Variants in CHRNA7 observed in about 807,000 individuals in gnomAD.
CHRNA7 encodes neuronal acetylcholine receptor subunit alpha-7.
In CHRNA7, 17 loss-of-function variants were observed where a neutral mutation model predicts 48.0. The observed-to-expected ratio is 0.35, with a 90% confidence interval of 0.24 to 0.53. The LOEUF is 0.53. Ranked by LOEUF, CHRNA7 falls within the 20% of genes least tolerant of loss-of-function variation. The pLI, the probability that CHRNA7 is intolerant of heterozygous loss-of-function variation, is 0.92. For missense variants in CHRNA7, 155 were observed against 577.7 expected, an observed-to-expected ratio of 0.27 and a Z score of 7.50; for synonymous variants, 75 against 242.3, an observed-to-expected ratio of 0.31 and a Z score of 6.41.
chr15:32,114,791 C>T (rs531264131), intron 4 of CHRNA7, among the ~76,000 whole-genome samples: 16 of 152,316 alleles, frequency 1.1e-4, no homozygotes, highest in Middle Eastern at 3.4e-3. Context: ...CTCATGATGC[C>T]GTGGGCTGTC....
rs377343442 is a variant in CHRNA7 at position 32,053,554 on chromosome 15, T to C, written c.195+22517T>C. 6.8e-4 allele frequency among the ~76,000 whole-genome samples: 103 copies of C among 152,292 alleles called. No individual in the cohort carries two copies. The South Asian group carries it at 0.02, about 30-fold the overall frequency. On this transcript the variant is annotated intron_variant, in intron 2 of 9. Coordinates refer to ENST00000306901, the MANE Select transcript of CHRNA7 (RefSeq NM_000746.6). ...GTATGTACTTGGGCATATTTATGTG[T>C]GTGTAAATGCACACTCAGTCACACA...
At chr15:32,167,666 T>C in intron 9 of CHRNA7, 1 of 100,026 alleles carries the variant, frequency 1.0e-5, no homozygotes, top group Non-Finnish European at 1.9e-5. Flanking sequence ...GCCTTCCCCT[T>C]CCACGAAGCT....
intron 4 of CHRNA7, among the ~76,000 whole-genome samples, chr15:32,119,948 G>A (rs1457815384): frequency 6.6e-6 from 1 of 152,102 alleles, no homozygotes; most frequent in South Asian, 2.1e-4. Context: ...TGCCTCATCC[G>A]GTGCTTACTG....
chr15:32,114,292 TGGCTAATGAGGAATTTCC>T (rs2050830536), intron 4 of CHRNA7, among the ~76,000 whole-genome samples: 1 of 152,064 alleles, frequency 6.6e-6, no homozygotes. Context: ...CCAAATGCTC[TGGCTAATGAGGAATTTCC>T]AAGTTGTAAT....
At chr15:32,038,859 A>T (rs989704098) in intron 2 of CHRNA7, among the ~76,000 whole-genome samples, 6 of 152,076 alleles carry the variant, frequency 3.9e-5, no homozygotes, top group Admixed American at 3.3e-4. Context: ...TCTTTTTTAA[A>T]TTTGTAGACT....
At chr15:32,079,136 T>C (rs1198029894) in intron 2 of CHRNA7, among the ~76,000 whole-genome samples, 1 of 152,210 alleles carries the variant, frequency 6.6e-6, no homozygotes. Context: ...AAACTAGGTA[T>C]TGATGGGACA....
At chr15:32,083,738 G>A (rs185950821) in intron 2 of CHRNA7, among the ~76,000 whole-genome samples, 37 of 152,204 alleles carry the variant, frequency 2.4e-4, no homozygotes, top group Non-Finnish European at 4.7e-4. Flanking sequence ...ATAACAAAAG[G>A]TCATTTATGA....
Position 32,079,309 on chromosome 15 carries a change from A to G in CHRNA7, c.196-21994A>G, listed in dbSNP as rs537162826. On this transcript the variant is annotated intron_variant, in intron 2 of 9. Transcript: ENST00000306901. ...ATTGGAAATTCTGGCCAGGGAAATCAGGCAAGAGAAAGAAGTAGAGGGTAT... is the reference window on the plus strand; with the variant it reads ...ATTGGAAATTCTGGCCAGGGAAATCGGGCAAGAGAAAGAAGTAGAGGGTAT... 1.1e-4 allele frequency among the ~76,000 whole-genome samples: 16 copies of G among 152,332 alleles called. No individual in the cohort carries two copies. In the South Asian group the frequency reaches 2.9e-3, roughly 28 times the overall value.
chr15:32,045,774 C>T (rs1241603968), intron 2 of CHRNA7, among the ~76,000 whole-genome samples: 1 of 150,046 alleles, frequency 6.7e-6, no homozygotes, highest in Non-Finnish European at 1.5e-5. Context: ...CCCATTAACT[C>T]GTCATTTAGC....
At chr15:32,092,341 C>T (rs768746617) in intron 2 of CHRNA7, among the ~76,000 whole-genome samples, 4 of 152,170 alleles carry the variant, frequency 2.6e-5, no homozygotes, top group Non-Finnish European at 5.9e-5. Context: ...TGATCCAAGA[C>T]TTATATAGTA....
At chr15:32,133,554 C>T (rs1177498993) in intron 4 of CHRNA7, among the ~76,000 whole-genome samples, 1 of 152,126 alleles carries the variant, frequency 6.6e-6, no homozygotes, top group African/African-American at 2.4e-5. Context: ...AGGCCAGGAC[C>T]TTCAAAATGC....
At chr15:32,066,616 T>C (rs2049971318) in intron 2 of CHRNA7, among the ~76,000 whole-genome samples, 1 of 152,160 alleles carries the variant, frequency 6.6e-6, no homozygotes. Flanking sequence ...TTTCAAAAAA[T>C]ATATGTATGA....
At chr15:32,117,105 A>G (rs1003771755) in intron 4 of CHRNA7, among the ~76,000 whole-genome samples, 1 of 152,078 alleles carries the variant, frequency 6.6e-6, no homozygotes, top group Non-Finnish European at 1.5e-5. Flanking sequence ...TTGGGAAGGG[A>G]TCCTGGGAAG....
intron 2 of CHRNA7, among the ~76,000 whole-genome samples, chr15:32,055,975 T>C (rs1475764882): frequency 6.6e-6 from 1 of 151,652 alleles, no homozygotes; most frequent in Non-Finnish European, 1.5e-5. Flanking sequence ...CGAGACTCTG[T>C]ATCAAAAAAA....
At chr15:32,127,397 C>G (rs1428064325) in intron 4 of CHRNA7, among the ~76,000 whole-genome samples, 1 of 152,256 alleles carries the variant, frequency 6.6e-6, no homozygotes, top group African/African-American at 2.4e-5. Flanking sequence ...CTGCCATACT[C>G]TTTTCCAGAG....
intron 4 of CHRNA7, among the ~76,000 whole-genome samples, chr15:32,138,731 A>ATGTTT (rs56884132): frequency 0.35 from 51,421 of 145,954 alleles, 9,255 homozygotes; most frequent in South Asian, 0.46. Context: ...TTGACCTGTT[A>ATGTTT]TGTTTTGTTT....
chr15:32,106,894 G>T (rs2050678668), intron 3 of CHRNA7, among the ~76,000 whole-genome samples: 1 of 151,974 alleles, frequency 6.6e-6, no homozygotes, highest in Non-Finnish European at 1.5e-5. Flanking sequence ...TTTAATTTCT[G>T]CATTCATCAT....
intron 2 of CHRNA7, among the ~76,000 whole-genome samples, chr15:32,096,424 A>G (rs1325232033): frequency 1.3e-5 from 2 of 152,150 alleles, no homozygotes; most frequent in African/African-American, 4.8e-5. Context: ...ACTCAGGGAA[A>G]ACCTCAGTTT....
rs117713985 is a variant in CHRNA7, at chr15:32,088,202, C to T, written c.196-13101C>T. Among the ~76,000 whole-genome samples the T allele has an allele frequency of 7.3e-3, 1,111 of 152,296 alleles. 17 individuals carry two copies. Among genetic ancestry groups the T allele is most frequent in the South Asian group, 0.028 (137 of 4,822 alleles). On this transcript the variant is annotated intron_variant, in intron 2 of 9. Transcript: ENST00000306901. The stretch of plus-strand genomic sequence containing the variant: ...GGAATGATACAATATGTAGCCTTTT[C>T]GGCCTGGCTTCTTTCACTTAGCACT...
Sources: gnomAD v4.1 joint callset for allele counts (sites outside exome capture counted in the v4.1 genomes callset) on GRCh38, gnomAD v4.1.1 for gene constraint, MANE v1.5 for transcripts, NCBI Gene and HGNC (gene_info 2026-07-23, HGNC 2026-07-21) for gene names.